CABLES1: variants seen among roughly 807,000 people sequenced by gnomAD.
CABLES1 encodes CDK5 and ABL1 enzyme substrate 1.
Under a neutral mutation model 57.8 loss-of-function variants are expected in CABLES1, and 36 were observed. The observed-to-expected ratio is 0.62, with a 90% CI of 0.48 to 0.82. The LOEUF is 0.82. CABLES1 is among the 40% of genes least tolerant of loss of function. The pLI is 0.00. For missense variants in CABLES1, 767 were observed against 836.6 expected (o/e 0.92, Z 1.03); for synonymous variants, 374 against 363.0 (o/e 1.03, Z -0.35).
intron 1 of CABLES1, among the ~76,000 whole-genome samples, chr18:23,166,542 A>G (rs2047044075): frequency 6.6e-6 from 1 of 152,158 alleles, no homozygotes; most frequent in African/African-American, 2.4e-5. Context: ...TTTCTCTGGT[A>G]ACAAAAAGGA....
chr18:23,172,673 C>T (rs1470615309), intron 1 of CABLES1, among the ~76,000 whole-genome samples: 2 of 152,186 alleles, frequency 1.3e-5, no homozygotes, highest in East Asian at 1.9e-4. Flanking sequence ...TTTGAAGAGT[C>T]CAATAGCAGT....
intron 4 of CABLES1, among the ~76,000 whole-genome samples, chr18:23,222,436 T>A (rs2047494493): frequency 6.6e-6 from 1 of 152,068 alleles, no homozygotes; most frequent in Non-Finnish European, 1.5e-5. Context: ...GTGGTCACTC[T>A]GGTTTTATGT....
chr18:23,231,395 G>A lies in CABLES1; in HGVS notation c.1089-3213G>A, dbSNP rs555017886. ...AACACGGTAGATAAGGACCATCTCC[G>A]TCATCACAGGAAGTTCTGTTGCGTG... On this transcript the variant is annotated intron_variant, in intron 4 of 9. Transcript: ENST00000256925. 1.4e-4 allele frequency among the ~76,000 whole-genome samples: 21 copies of A among 152,316 alleles called. No individual in the cohort carries two copies. The South Asian group carries it at 3.7e-3, about 27-fold the overall frequency.
intron 3 of CABLES1, among the ~76,000 whole-genome samples, chr18:23,213,475 C>G (rs578144977): frequency 1.3e-5 from 2 of 152,210 alleles, no homozygotes; most frequent in Admixed American, 6.5e-5. Flanking sequence ...GTAATTGTTC[C>G]CTTAATCTAT....
At chr18:23,217,720 T>C (rs1049068887) in intron 4 of CABLES1, among the ~76,000 whole-genome samples, 5 of 152,274 alleles carry the variant, frequency 3.3e-5, no homozygotes, top group Non-Finnish European at 7.3e-5. Context: ...AATAAATATA[T>C]ACACACACAT....
chr18:23,254,717 G>C (rs2048120914), intron 9 of CABLES1, among the ~76,000 whole-genome samples: 1 of 152,138 alleles, frequency 6.6e-6, no homozygotes. Flanking sequence ...ATCCTTAATT[G>C]CAGAGAAAGA....
chr18:23,201,616 C>T (rs1031196799), intron 3 of CABLES1, among the ~76,000 whole-genome samples: 2 of 152,176 alleles, frequency 1.3e-5, no homozygotes, highest in Admixed American at 1.3e-4. Flanking sequence ...AATGACTCTC[C>T]AGATACAAGG....
intron 1 of CABLES1, among the ~76,000 whole-genome samples, chr18:23,140,657 C>T (rs529853309): frequency 4.3e-4 from 66 of 152,226 alleles, no homozygotes; most frequent in African/African-American, 1.4e-3. Flanking sequence ...AGGCTGGTCT[C>T]GAACTCCTGA....
intron 1 of CABLES1, among the ~76,000 whole-genome samples, chr18:23,153,915 C>T (rs2046948970): frequency 6.6e-6 from 1 of 152,082 alleles, no homozygotes; most frequent in Non-Finnish European, 1.5e-5. Flanking sequence ...CCTGTAATCT[C>T]AGCCACCTAG....
At chr18:23,140,687 C>T (rs1262521844) in intron 1 of CABLES1, among the ~76,000 whole-genome samples, 2 of 152,314 alleles carry the variant, frequency 1.3e-5, no homozygotes, top group Middle Eastern at 3.4e-3. Context: ...ATCCACCTAC[C>T]TCGGCCTCCC....
At chr18:23,249,017 CTG>C (rs2047973268) in intron 7 of CABLES1, among the ~76,000 whole-genome samples, 1 of 152,214 alleles carries the variant, frequency 6.6e-6, no homozygotes, top group African/African-American at 2.4e-5. Context: ...GGCGCTGGCA[CTG>C]GCTGCTGGCT....
chr18:23,233,159 G>A (rs1271566453), intron 4 of CABLES1, among the ~76,000 whole-genome samples: 7 of 152,134 alleles, frequency 4.6e-5, no homozygotes, highest in South Asian at 2.1e-4. Context: ...GTTTAGAATC[G>A]CCTGGGGAGT....
chr18:23,213,954 T>C (rs763999448), intron 3 of CABLES1, 23 bp from the exon 4 acceptor site: 3 of 1,491,200 alleles, frequency 2.0e-6, no homozygotes, highest in Non-Finnish European at 2.8e-6. Context: ...TGTTTGTTGT[T>C]TGTTCTTCTT....
intron 1 of CABLES1, among the ~76,000 whole-genome samples, chr18:23,183,541 T>G (rs2047182099): frequency 6.6e-6 from 1 of 152,234 alleles, no homozygotes; most frequent in African/African-American, 2.4e-5. Context: ...GCATTAAGCA[T>G]GAACTCCAAA....
intron 1 of CABLES1, among the ~76,000 whole-genome samples, chr18:23,167,892 C>A (rs534567477): frequency 1.3e-3 from 196 of 152,334 alleles, no homozygotes; most frequent in Non-Finnish European, 2.4e-3. Context: ...ACAGGGCATG[C>A]AGGCGCTCGC....
intron 1 of CABLES1, among the ~76,000 whole-genome samples, chr18:23,179,098 C>T (rs1023912719): frequency 6.6e-6 from 1 of 152,056 alleles, no homozygotes; most frequent in African/African-American, 2.4e-5. Context: ...CCAGCCTGGC[C>T]AACACGGTGA....
intron 1 of CABLES1, among the ~76,000 whole-genome samples, chr18:23,171,400 T>C (rs1011793678): frequency 6.6e-6 from 1 of 152,222 alleles, no homozygotes; most frequent in Admixed American, 6.5e-5. Context: ...GAGTTTATAA[T>C]GTGACGAGCT....
intron 1 of CABLES1, among the ~76,000 whole-genome samples, chr18:23,149,490 T>C (rs1402491653): frequency 6.6e-6 from 1 of 152,200 alleles, no homozygotes; most frequent in African/African-American, 2.4e-5. Flanking sequence ...CCATGTTGCC[T>C]AGGCTGGTCT....
At chr18:23,188,435 C>A (rs772031844) in intron 1 of CABLES1, among the ~76,000 whole-genome samples, 1 of 151,982 alleles carries the variant, frequency 6.6e-6, no homozygotes, top group Non-Finnish European at 1.5e-5. Context: ...TATCAGTTAC[C>A]GGGTTCAAAT....
Sources: gnomAD v4.1 joint callset for allele counts (sites outside exome capture counted in the v4.1 genomes callset) on GRCh38, gnomAD v4.1.1 for gene constraint, MANE v1.5 for transcripts, NCBI Gene and HGNC (gene_info 2026-07-23, HGNC 2026-07-21) for gene names.